The following TBC1D14 variants were observed in gnomAD, a reference collection of about 807,000 sequenced individuals.
TBC1D14 encodes the protein TBC1 domain family member 14, also known as TBC1 domain family, member 14.
In TBC1D14, 26 loss-of-function variants were observed where a neutral mutation model predicts 79.0. The observed-to-expected ratio is 0.33, with a 90% CI of 0.24 to 0.46. The LOEUF is 0.46. Among genes scored for constraint, TBC1D14 ranks in the 20% least tolerant of loss-of-function variants. The probability of loss-of-function intolerance (pLI) is 1.00; values close to 1 mark genes in which losing one functional copy is unlikely to be tolerated. For missense variants in TBC1D14, 769 were observed against 887.6 expected, an observed-to-expected ratio of 0.87 and a Z score of 1.70; for synonymous variants, 394 against 349.9, an observed-to-expected ratio of 1.13 and a Z score of -1.40.
chr4:6,975,590 C>T (rs1443588393), intron 3 of TBC1D14, among the ~76,000 whole-genome samples: 2 of 152,014 alleles, frequency 1.3e-5, no homozygotes, highest in Non-Finnish European at 2.9e-5. Flanking sequence ...TTAAAGCAGT[C>T]ATTATAAAAA....
intron 2 of TBC1D14, among the ~76,000 whole-genome samples, chr4:6,942,931 A>G (rs1231362271): frequency 1.3e-5 from 2 of 152,188 alleles, no homozygotes; most frequent in Non-Finnish European, 2.9e-5. Flanking sequence ...GTGGCAGGCA[A>G]AATTCCTGGG....
At chr4:7,029,100 A>G (rs1722779757) in intron 13 of TBC1D14, among the ~76,000 whole-genome samples, 1 of 152,176 alleles carries the variant, frequency 6.6e-6, no homozygotes, top group Non-Finnish European at 1.5e-5. Context: ...TTGGCCTCCC[A>G]AAGTGCTGGG....
In TBC1D14 at chr4:6,923,989, T is replaced by G; in HGVS notation, c.600T>G (p.Phe200Leu). Residue 200 changes from phenylalanine to leucine, a missense_variant, in exon 2 of 14, where the codon TTT (phenylalanine) becomes TTG (leucine). Phe to Leu is a conservative substitution (Grantham distance 22, BLOSUM62 0). Transcript: ENST00000409757. ...TGGAGAATGACGATGACCCACAGTT[T>G]ACCAACGTCACCTTGAGCTCTATCA... ...VTLENDDDPQFTNVTLSSIKE... is the reference protein window; with the variant it reads ...VTLENDDDPQLTNVTLSSIKE... The G allele has an allele frequency of 6.2e-7, 1 of 1,614,134 alleles. No individual in the cohort carries two copies. The highest frequency in any genetic ancestry group is 8.5e-7 in the Non-Finnish European group (1 of 1,180,022).
At chr4:6,993,664 G>A (rs907356206) in intron 3 of TBC1D14, among the ~76,000 whole-genome samples, 4 of 152,200 alleles carry the variant, frequency 2.6e-5, no homozygotes, top group Non-Finnish European at 5.9e-5. Flanking sequence ...CCCCACCAAC[G>A]AGGGAAGCGT....
intron 2 of TBC1D14, among the ~76,000 whole-genome samples, chr4:6,930,652 G>A (rs922444684): frequency 1.3e-5 from 2 of 152,054 alleles, no homozygotes; most frequent in Admixed American, 6.5e-5. Context: ...ACAAAAATTA[G>A]CTGGGCTTGG....
chr4:7,030,006 T>C (rs562620919), intron 13 of TBC1D14, among the ~76,000 whole-genome samples: 2 of 152,214 alleles, frequency 1.3e-5, no homozygotes, highest in Admixed American at 1.3e-4. Context: ...ACAGGGCTTA[T>C]TAGCATCCTA....
chr4:6,943,476 A>G (rs934971419), intron 2 of TBC1D14, among the ~76,000 whole-genome samples: 3 of 152,212 alleles, frequency 2.0e-5, no homozygotes, highest in Non-Finnish European at 4.4e-5. Flanking sequence ...CGGGGCGTGC[A>G]GGATCTGGCT....
intron 3 of TBC1D14, 93 bp downstream of exon 3, chr4:6,967,517 C>A: frequency 6.7e-7 from 1 of 1,489,930 alleles, no homozygotes. Context: ...GAGTCTGAAA[C>A]TGGAAATCGC....
intron 1 of TBC1D14, among the ~76,000 whole-genome samples, chr4:6,912,499 G>T (rs1397212478): frequency 6.6e-6 from 1 of 152,214 alleles, no homozygotes; most frequent in South Asian, 2.1e-4. Flanking sequence ...TGCTTGGCTA[G>T]TCACTTGGTT....
chr4:7,000,310 C>G (rs764812904), intron 6 of TBC1D14, among the ~76,000 whole-genome samples: 6 of 152,196 alleles, frequency 3.9e-5, no homozygotes, highest in Non-Finnish European at 8.8e-5. Flanking sequence ...CGACTGCACA[C>G]GGACGCTGCC....
At chr4:6,961,388 C>G (rs1715176171) in intron 2 of TBC1D14, among the ~76,000 whole-genome samples, 1 of 148,810 alleles carries the variant, frequency 6.7e-6, no homozygotes, top group African/African-American at 2.6e-5. Context: ...TCAACTGTGA[C>G]CCCCCAAATC....
chr4:6,988,885 C>CTTTCTTTTTTTTT (rs748889966), intron 3 of TBC1D14, among the ~76,000 whole-genome samples: 4 of 76,810 alleles, frequency 5.2e-5, no homozygotes, highest in Non-Finnish European at 6.9e-5. Flanking sequence ...TTCTTTCTTT[C>CTTTCTTTTTTTTT]TTTTTTTTTT....
At chr4:6,934,345 G>A (rs960657894) in intron 2 of TBC1D14, among the ~76,000 whole-genome samples, 2 of 152,050 alleles carry the variant, frequency 1.3e-5, no homozygotes. Context: ...GTGAGCATGG[G>A]TGTCAACAAG....
At position 7,032,422 on chromosome 4, in the gene TBC1D14, G is replaced by A. The variant is rs929625401; in HGVS notation, c.*2030G>A. 3 of 152,670 alleles carry A rather than the reference G, an allele frequency of 2.0e-5. No homozygotes were observed. The highest frequency in any genetic ancestry group is 2.9e-5 in the Non-Finnish European group (2 of 68,068). 9.5% of individuals were successfully genotyped at this position (152,670 alleles called of 1,614,324 possible). On this transcript the variant is annotated 3_prime_UTR_variant, in exon 14 of 14. Coordinates refer to ENST00000409757, the MANE Select transcript of TBC1D14 (RefSeq NM_020773.3). ...GTGCAGTGTGTTCAGATTGCCCCTG[G>A]GGATCTTCTGTGTCTTCAGCGCCCA...
rs779641764 is a variant in TBC1D14 at position 6,924,051 on chromosome 4, A to C, written c.662A>C (p.His221Pro). 4 of 1,614,116 alleles carry C rather than the reference A, an allele frequency of 2.5e-6. No homozygotes were observed. Among genetic ancestry groups the C allele is most frequent in the Non-Finnish European group, 3.4e-6 (4 of 1,180,026 alleles). ...TRGLHQQDCV[H>P]EAEEGSKLKI... The stretch of plus-strand genomic sequence containing the variant: ...GGCTTACACCAGCAGGACTGTGTTC[A>C]TGAAGCTGAGGAGGGGAGTAAATTG... The change falls in exon 2 of 14, where the codon CAT (histidine) becomes CCT (proline). Residue 221 changes from histidine to proline, a missense_variant. Transcript: ENST00000409757.
At chr4:6,996,509 A>G in intron 5 of TBC1D14, 102 bp downstream of exon 5, 1 of 882,966 alleles carries the variant, frequency 1.1e-6, no homozygotes, top group Non-Finnish European at 1.8e-6. Context: ...CCTGAACTTC[A>G]GTCTTTGAAA....
chr4:6,937,402 G>A (rs1712445168), intron 2 of TBC1D14, among the ~76,000 whole-genome samples: 1 of 152,170 alleles, frequency 6.6e-6, no homozygotes, highest in South Asian at 2.1e-4. Context: ...CCACCCTCAT[G>A]ACCTAGTCAC....
intron 3 of TBC1D14, among the ~76,000 whole-genome samples, chr4:6,972,139 T>C (rs1268001294): frequency 3.3e-5 from 5 of 152,184 alleles, no homozygotes; most frequent in African/African-American, 9.7e-5. Context: ...CTTTTGTTTG[T>C]TTCACAGATT....
intron 1 of TBC1D14, among the ~76,000 whole-genome samples, chr4:6,920,048 G>A (rs535647795): frequency 3.3e-5 from 5 of 151,992 alleles, no homozygotes; most frequent in Admixed American, 1.3e-4. Context: ...CTCAGTAGCC[G>A]GGACTACAGG....
Sources: allele counts gnomAD v4.1 joint callset (sites outside exome capture counted in the v4.1 genomes callset), GRCh38; gene constraint gnomAD v4.1.1; transcripts MANE v1.5; gene names NCBI Gene and HGNC (gene_info 2026-07-23, HGNC 2026-07-21).